The following CDYL2 variants were observed in gnomAD, a reference collection of about 807,000 sequenced individuals.
CDYL2 encodes the protein chromodomain Y-like protein 2.
CDYL2 carries 23 observed loss-of-function variants against 49.4 expected under a neutral mutation model. The observed-to-expected ratio is 0.47, with a 90% CI of 0.34 to 0.66. The LOEUF (loss-of-function observed/expected upper bound fraction) is 0.66. Among genes scored for constraint, CDYL2 ranks in the 30% least tolerant of loss-of-function variants. The pLI is 0.01. For synonymous variants in CDYL2, 360 were observed against 268.8 expected (o/e 1.34, Z -3.32); for missense variants, 678 against 656.4 (o/e 1.03, Z -0.36).
intron 5 of CDYL2, 29 bp from the exon 6 acceptor site, chr16:80,608,264 A>G: frequency 6.5e-7 from 1 of 1,532,638 alleles, no homozygotes; most frequent in African/African-American, 1.4e-5. Context: ...GCAAAGACTG[A>G]GGGCCTGGAG....
intron 2 of CDYL2, among the ~76,000 whole-genome samples, chr16:80,652,738 A>C (rs1267842549): frequency 6.6e-6 from 1 of 152,214 alleles, no homozygotes; most frequent in Non-Finnish European, 1.5e-5. Flanking sequence ...GGATGTGATG[A>C]GAATGGCACT....
At chr16:80,793,898 G>T (rs1026114391) in intron 1 of CDYL2, among the ~76,000 whole-genome samples, 10 of 152,076 alleles carry the variant, frequency 6.6e-5, no homozygotes, top group Admixed American at 5.9e-4. Flanking sequence ...CTGCCTTCCC[G>T]TAACAGTCTC....
chr16:80,786,901 C>A (rs1907454409), intron 1 of CDYL2, among the ~76,000 whole-genome samples: 5 of 151,608 alleles, frequency 3.3e-5, no homozygotes, highest in Admixed American at 3.3e-4. Flanking sequence ...AAGGGAACAT[C>A]ACACACCAGG....
At chr16:80,683,830 C>G (rs1333769509) in intron 2 of CDYL2, among the ~76,000 whole-genome samples, 3 of 152,208 alleles carry the variant, frequency 2.0e-5, no homozygotes, top group African/African-American at 7.2e-5. Flanking sequence ...GGAACAGGCC[C>G]TCACCCGATG....
intron 1 of CDYL2, among the ~76,000 whole-genome samples, chr16:80,787,507 C>G (rs962182345): frequency 5.9e-5 from 9 of 152,168 alleles, no homozygotes; most frequent in Admixed American, 3.3e-4. Context: ...ACATTCTGAC[C>G]TCTCTTGGTT....
intron 1 of CDYL2, among the ~76,000 whole-genome samples, chr16:80,716,143 G>A (rs193193071): frequency 5.7e-4 from 87 of 152,348 alleles, no homozygotes; most frequent in African/African-American, 1.7e-3. Context: ...GGAATTCAGT[G>A]ACTGTTCACT....
At chr16:80,671,027 G>C (rs1293338107) in intron 2 of CDYL2, 1 of 455,708 alleles carries the variant, frequency 2.2e-6, no homozygotes, top group Non-Finnish European at 4.4e-6. Flanking sequence ...GTCTAGGGTT[G>C]TGACTTTCCT....
chr16:80,700,623 A>C (rs1232303893), intron 1 of CDYL2, among the ~76,000 whole-genome samples: 2 of 152,250 alleles, frequency 1.3e-5, no homozygotes, highest in East Asian at 3.8e-4. Flanking sequence ...GATCAGCAAA[A>C]TTTTAAAAGG....
intron 2 of CDYL2, among the ~76,000 whole-genome samples, chr16:80,664,506 G>C (rs1415637353): frequency 1.3e-5 from 2 of 152,182 alleles, no homozygotes; most frequent in African/African-American, 2.4e-5. Context: ...AATAAGCTTT[G>C]AGTTCTTTGG....
intron 2 of CDYL2, among the ~76,000 whole-genome samples, chr16:80,670,030 G>T (rs905375383): frequency 6.6e-6 from 1 of 152,162 alleles, no homozygotes; most frequent in African/African-American, 2.4e-5. Flanking sequence ...CCAAGACATG[G>T]GGCACAACAA....
chr16:80,706,105 G>A (rs1469770767), intron 1 of CDYL2, among the ~76,000 whole-genome samples: 3 of 152,172 alleles, frequency 2.0e-5, no homozygotes, highest in African/African-American at 4.8e-5. Flanking sequence ...TCTCTACTCC[G>A]CATCTTTCCC....
At chr16:80,701,789 A>G (rs1904302419) in intron 1 of CDYL2, among the ~76,000 whole-genome samples, 1 of 152,258 alleles carries the variant, frequency 6.6e-6, no homozygotes, top group Admixed American at 6.5e-5. Flanking sequence ...AGAACTTTAC[A>G]AAATGGTTCT....
At chr16:80,639,813 A>G (rs1397505196) in intron 2 of CDYL2, 14 of 439,480 alleles carry the variant, frequency 3.2e-5, no homozygotes, top group South Asian at 2.3e-4. Context: ...GTGGAAAGGG[A>G]GAGTGTAGCA....
intron 2 of CDYL2, among the ~76,000 whole-genome samples, chr16:80,673,913 G>T (rs1198021267): frequency 1.3e-5 from 2 of 152,208 alleles, no homozygotes; most frequent in Admixed American, 1.3e-4. Flanking sequence ...GAGGATGGAT[G>T]CAAAGGTTAT....
At chr16:80,706,501 T>C (rs1904408944) in intron 1 of CDYL2, among the ~76,000 whole-genome samples, 1 of 152,234 alleles carries the variant, frequency 6.6e-6, no homozygotes, top group African/African-American at 2.4e-5. Context: ...ATCACATTGT[T>C]GCACGTTGCA....
In CDYL2 at chr16:80,684,838, G is replaced by T. The variant is rs377184768; in HGVS notation, c.316C>A (p.Arg106=). 1 of 1,614,110 alleles carries T rather than the reference G, an allele frequency of 6.2e-7. No individual in the cohort carries two copies. The highest frequency in any genetic ancestry group is 1.7e-5 in the Admixed American group (1 of 60,032). The change falls in exon 2 of 7, where the codon CGG becomes AGG. Residue 106 remains arginine (R), a synonymous_variant. Coordinates refer to ENST00000570137, the MANE Select transcript of CDYL2 (RefSeq NM_152342.4). ...PGKSKGTSHK[R]KRINPPLAKP... The stretch of plus-strand genomic sequence containing the variant: ...GCCAGGGGAGGGTTAATTCGCTTCC[G>T]TTTATGGGAGGTCCCCTTGCTCTTT...
chr16:80,702,033 C>T (rs1904303907), intron 1 of CDYL2, among the ~76,000 whole-genome samples: 1 of 152,048 alleles, frequency 6.6e-6, no homozygotes, highest in South Asian at 2.1e-4. Flanking sequence ...ATATCAGTGC[C>T]AAATAGCAGA....
chr16:80,651,257 A>C (rs1003131250), intron 2 of CDYL2, among the ~76,000 whole-genome samples: 1 of 152,178 alleles, frequency 6.6e-6, no homozygotes, highest in Non-Finnish European at 1.5e-5. Flanking sequence ...CAAAAATTAA[A>C]AATAATTTTT....
chr16:80,655,754 G>A (rs1174875170), intron 2 of CDYL2, among the ~76,000 whole-genome samples: 1 of 152,174 alleles, frequency 6.6e-6, no homozygotes, highest in Middle Eastern at 3.2e-3. Context: ...CAAAATGTGT[G>A]CAATTCTGGA....
Sources: allele counts gnomAD v4.1 joint callset (sites outside exome capture counted in the v4.1 genomes callset), GRCh38; gene constraint gnomAD v4.1.1; transcripts MANE v1.5; gene names NCBI Gene and HGNC (gene_info 2026-07-23, HGNC 2026-07-21).